The following DOCK2 variants were observed in gnomAD, a reference collection of about 807,000 sequenced individuals.
The protein encoded by DOCK2 is dedicator of cytokinesis protein 2.
Under a neutral mutation model 248.9 loss-of-function variants are expected in DOCK2, and 87 were observed. That is an observed-to-expected ratio of 0.35 (90% confidence interval 0.29 to 0.42). The LOEUF (loss-of-function observed/expected upper bound fraction) is 0.42, where lower values mean the gene tolerates loss of function less well. DOCK2 is among the 10% of genes least tolerant of loss of function. The probability of loss-of-function intolerance (pLI) is 1.00; values close to 1 mark genes in which losing one functional copy is unlikely to be tolerated. For synonymous variants in DOCK2, 805 were observed against 821.6 expected, an observed-to-expected ratio of 0.98 and a Z score of 0.35; for missense variants, 1,747 against 2,300.2, an observed-to-expected ratio of 0.76 and a Z score of 4.92.
intron 27 of DOCK2, among the ~76,000 whole-genome samples, chr5:169,934,444 A>C (rs1775894743): frequency 6.6e-6 from 1 of 152,176 alleles, no homozygotes; most frequent in Admixed American, 6.5e-5. Flanking sequence ...GGGTGTCCCC[A>C]GTGCCCACAC....
At chr5:169,874,078 G>A (rs575907113) in intron 27 of DOCK2, among the ~76,000 whole-genome samples, 1 of 152,224 alleles carries the variant, frequency 6.6e-6, no homozygotes, top group Non-Finnish European at 1.5e-5. Context: ...TTCTCTGTCT[G>A]GTCCAGAAGA....
chr5:169,810,878 A>C (rs191949274), intron 26 of DOCK2, among the ~76,000 whole-genome samples: 13 of 151,574 alleles, frequency 8.6e-5, no homozygotes, highest in Admixed American at 7.9e-4. Context: ...CTCCCATTCC[A>C]CATGCCCCCC....
chr5:169,891,051 T>C (rs909685978), intron 27 of DOCK2, among the ~76,000 whole-genome samples: 10 of 152,232 alleles, frequency 6.6e-5, no homozygotes, highest in African/African-American at 2.2e-4. Flanking sequence ...CAACCCTATG[T>C]CATCTGGCCC....
In DOCK2 at chr5:170,079,131, G is replaced by C; in HGVS notation, c.5151G>C (p.Glu1717Asp). 1.9e-6 allele frequency: 3 copies of C among 1,613,686 alleles called. No homozygotes were observed. Among genetic ancestry groups the C allele is most frequent in the Non-Finnish European group, 2.5e-6 (3 of 1,180,006 alleles). The change falls in exon 49 of 52, where the codon GAG (glutamate) becomes GAC (aspartate). Residue 1717 changes from glutamate (E) to aspartate (D), a missense_variant. Physicochemically the swap from Glu to Asp is conservative, Grantham distance 45 (BLOSUM62 2). Around this residue, in one of 4 missense-constraint regions of DOCK2, gnomAD observed 513 missense variants for 586.1 expected, o/e 0.88. Transcript: ENST00000520908. ...TTGCGGATGAGAAAGCAGCTGCAGA[G>C]TCGGACCTGAAGCGGGTGAGTGGCT... ...VVFADEKAAA[E>D]SDLKRLSRKH...
intron 27 of DOCK2, among the ~76,000 whole-genome samples, chr5:169,890,877 C>T (rs1773241936): frequency 1.3e-5 from 2 of 152,194 alleles, no homozygotes; most frequent in Admixed American, 6.5e-5. Flanking sequence ...CTCTTGTCCT[C>T]TTTACCATCT....
chr5:169,865,869 C>G (rs375622670), intron 27 of DOCK2, among the ~76,000 whole-genome samples: 239 of 152,360 alleles, frequency 1.6e-3, no homozygotes, highest in Admixed American at 2.4e-3. Context: ...AAAGGGACAT[C>G]TGCCCTTGCT....
At chr5:170,070,446 G>A (rs778328148) in intron 46 of DOCK2, among the ~76,000 whole-genome samples, 2 of 152,198 alleles carry the variant, frequency 1.3e-5, no homozygotes, top group Non-Finnish European at 2.9e-5. Context: ...CTGCACAGAC[G>A]CGCTTTTCCC....
At chr5:169,958,514 A>C (rs1315600426) in intron 27 of DOCK2, among the ~76,000 whole-genome samples, 1 of 152,078 alleles carries the variant, frequency 6.6e-6, no homozygotes, top group African/African-American at 2.4e-5. Flanking sequence ...AGCTGTTACC[A>C]TTAGCCCAGC....
At chr5:169,742,041 C>A (rs1441206506) in intron 22 of DOCK2, among the ~76,000 whole-genome samples, 1 of 152,064 alleles carries the variant, frequency 6.6e-6, no homozygotes, top group African/African-American at 2.4e-5. Context: ...TGGTCTCAAT[C>A]TCCTGACCTC....
At chr5:169,939,076 T>C (rs1776120751) in intron 27 of DOCK2, among the ~76,000 whole-genome samples, 1 of 152,062 alleles carries the variant, frequency 6.6e-6, no homozygotes, top group South Asian at 2.1e-4. Context: ...GCTAATTTTT[T>C]TGTATTTTTA....
chr5:170,023,970 G>A (rs1260789074), intron 33 of DOCK2, among the ~76,000 whole-genome samples: 1 of 152,236 alleles, frequency 6.6e-6, no homozygotes, highest in Non-Finnish European at 1.5e-5. Flanking sequence ...GCAGCCAGGA[G>A]AGGCAAGAGA....
intron 2 of DOCK2, among the ~76,000 whole-genome samples, chr5:169,666,675 C>T (rs6883997): frequency 0.33 from 49,606 of 151,942 alleles, 8,279 homozygotes; most frequent in Middle Eastern, 0.47. Context: ...GTAAAAATGC[C>T]AGAAAAAAGT....
intron 10 of DOCK2, 63 bp from the exon 11 acceptor site, chr5:169,698,311 A>T: frequency 1.3e-6 from 2 of 1,543,920 alleles, no homozygotes; most frequent in Middle Eastern, 1.7e-4. Flanking sequence ...AGCTCATCCC[A>T]CTGTCATCCC....
intron 22 of DOCK2, among the ~76,000 whole-genome samples, chr5:169,734,941 C>T (rs1762958539): frequency 6.6e-6 from 1 of 152,140 alleles, no homozygotes; most frequent in Admixed American, 6.5e-5. Context: ...TCTGACGTAC[C>T]CAGAGACCTG....
intron 41 of DOCK2, among the ~76,000 whole-genome samples, chr5:170,053,979 G>A (rs1342844067): frequency 2.0e-5 from 3 of 152,140 alleles, no homozygotes; most frequent in African/African-American, 7.2e-5. Flanking sequence ...CCTAAGAGAA[G>A]CAAAGACGAA....
intron 27 of DOCK2, among the ~76,000 whole-genome samples, chr5:169,918,330 C>A (rs1181650902): frequency 6.6e-6 from 1 of 152,074 alleles, no homozygotes; most frequent in African/African-American, 2.4e-5. Context: ...TATATATAAC[C>A]CAGCGATTCT....
chr5:169,806,637 T>C (rs1767379635), intron 26 of DOCK2, among the ~76,000 whole-genome samples: 1 of 152,210 alleles, frequency 6.6e-6, no homozygotes, highest in African/African-American at 2.4e-5. Context: ...TCGCTTATTT[T>C]ACATAAACTT....
At chr5:170,030,903 G>A (rs1216988667) in intron 34 of DOCK2, among the ~76,000 whole-genome samples, 2 of 152,192 alleles carry the variant, frequency 1.3e-5, no homozygotes, top group African/African-American at 4.8e-5. Flanking sequence ...GGTGAATAGA[G>A]CAGAGCTACT....
intron 48 of DOCK2, 142 bp downstream of exon 48, chr5:170,077,979 T>A: frequency 1.4e-6 from 1 of 709,374 alleles, no homozygotes; most frequent in Non-Finnish European, 2.3e-6. Flanking sequence ...ATCTGCAGTC[T>A]CACAACTACC....
Sources: gnomAD v4.1 joint callset for allele counts (sites outside exome capture counted in the v4.1 genomes callset) on GRCh38, gnomAD v4.1.1 for gene constraint, gnomAD v4.1.1 regional missense constraint, MANE v1.5 for transcripts, NCBI Gene and HGNC (gene_info 2026-07-23, HGNC 2026-07-21) for gene names.